The following SLC6A16 variants were observed in gnomAD, a reference collection of about 807,000 sequenced individuals.
The protein encoded by SLC6A16 is solute carrier family 6 member 16, also known as orphan sodium- and chloride-dependent neurotransmitter transporter NTT5.
A neutral mutation model predicts 65.4 loss-of-function variants in SLC6A16; 54 were observed. The observed-to-expected ratio is 0.83, with a 90% confidence interval of 0.66 to 1.04. SLC6A16 has a LOEUF of 1.04. Ranked by LOEUF, SLC6A16 falls within the 50% of genes least tolerant of loss-of-function variation. The pLI is 0.00. For missense variants in SLC6A16, 816 were observed against 914.0 expected (o/e 0.89, Z 1.38); for synonymous variants, 330 against 346.5 (o/e 0.95, Z 0.53).
chr19:49,330,516 G>C, the SLC6A16 span, among the ~76,000 whole-genome samples: 3 of 152,218 alleles, frequency 2.0e-5, no homozygotes, highest in Non-Finnish European at 2.9e-5. Flanking sequence ...AGGAGAACCA[G>C]CCAGTGAAGA....
Position 49,319,168 on chromosome 19 carries a change from G to T in SLC6A16, c.-65+5880C>A, listed in dbSNP as rs143231822. On this transcript the variant is annotated intron_variant, in intron 1 of 11. Transcript: ENST00000335875. The stretch of plus-strand genomic sequence containing the variant: ...AAATGAAGCACAAAGAAAAAAAAAA[G>T]ACTGAAAACAATTACCAGAGCATTA... 1.1e-3 allele frequency among the ~76,000 whole-genome samples: 159 copies of T among 151,270 alleles called. 3 individuals carry two copies. In the East Asian group the frequency reaches 0.024, roughly 23 times the overall value.
chr19:49,290,544 A>T, intron 11 of SLC6A16, 61 bp downstream of exon 11: 1 of 1,587,910 alleles, frequency 6.3e-7, no homozygotes, highest in Non-Finnish European at 8.6e-7. Flanking sequence ...TTTCACCCAG[A>T]GTGAATTGAA....
In SLC6A16 at chr19:49,306,954, T is replaced by A. The variant is rs114194537; in HGVS notation, c.1229+1922A>T. Among the ~76,000 whole-genome samples, 684 of 151,960 alleles carry A rather than the reference T, an allele frequency of 4.5e-3. 3 individuals carry two copies. Among genetic ancestry groups the A allele is most frequent in the African/African-American group, 0.016 (652 of 41,394 alleles). Reference sequence around the variant, plus strand: ...TGGGAGGCAGTAAAGAGATTATGATTAGAAAAAGATACACAGAGAGCATCT... The same window carrying A: ...TGGGAGGCAGTAAAGAGATTATGATAAGAAAAAGATACACAGAGAGCATCT... On this transcript the variant is annotated intron_variant, in intron 7 of 11. Coordinates refer to ENST00000335875, the MANE Select transcript of SLC6A16 (RefSeq NM_014037.3).
intron 1 of SLC6A16, among the ~76,000 whole-genome samples, chr19:49,313,816 C>T (rs141747313): frequency 6.6e-6 from 1 of 151,812 alleles, no homozygotes; most frequent in South Asian, 2.1e-4. Context: ...AATAATCAGC[C>T]GGGCACAGTG....
At chr19:49,335,010 G>A in the SLC6A16 span, among the ~76,000 whole-genome samples, 1 of 152,122 alleles carries the variant, frequency 6.6e-6, no homozygotes, top group Admixed American at 6.5e-5. This position sits in a 1 kb window ranked among gnomAD's most constrained non-coding sequence, Gnocchi z 4.6. Flanking sequence ...GAGATGGGGA[G>A]TAGCAGGAAG....
chr19:49,299,699 A>G (rs1970251269), intron 7 of SLC6A16, among the ~76,000 whole-genome samples: 1 of 151,740 alleles, frequency 6.6e-6, no homozygotes, highest in Non-Finnish European at 1.5e-5. Flanking sequence ...AAAGAAAAGT[A>G]GGGAATTGGC....
chr19:49,339,027 C>T, the SLC6A16 span: 3 of 1,025,334 alleles, frequency 2.9e-6, no homozygotes, highest in South Asian at 1.5e-5. This position sits in a 1 kb window ranked among gnomAD's most constrained non-coding sequence, Gnocchi z 4.5. Flanking sequence ...TGAGAAAGGG[C>T]GGGGTCTACG....
chr19:49,308,954 G>C lies in SLC6A16; in HGVS notation c.1151C>G (p.Thr384Ser), dbSNP rs1460102575. The part of the protein sequence containing the change: ...AFLVSVINLL[T>S]LLVFTSFNFC... ...GTTGAAAGATGTGAAAACCAACAAAGTGAGCAGGTTTATCACAGACACGAG... is the reference window on the plus strand; with the variant it reads ...GTTGAAAGATGTGAAAACCAACAAACTGAGCAGGTTTATCACAGACACGAG... Residue 384 changes from threonine (T) to serine (S), a missense_variant, in exon 7 of 12, where the codon ACT (threonine) becomes AGT (serine). Transcript: ENST00000335875. 9.9e-6 allele frequency: 16 copies of C among 1,614,168 alleles called. No homozygotes were observed. Among genetic ancestry groups the C allele is most frequent in the Non-Finnish European group, 1.4e-5 (16 of 1,180,036 alleles).
At chr19:49,332,868 CAGA>C in the SLC6A16 span, among the ~76,000 whole-genome samples, 1 of 152,216 alleles carries the variant, frequency 6.6e-6, no homozygotes, top group African/African-American at 2.4e-5. Flanking sequence ...TGGTTAGAAA[CAGA>C]AGCTGAGGGG....
chr19:49,296,841 T>C (rs1970195869), intron 7 of SLC6A16, among the ~76,000 whole-genome samples: 1 of 151,870 alleles, frequency 6.6e-6, no homozygotes, highest in African/African-American at 2.4e-5. Flanking sequence ...ATACAAAAAT[T>C]AGCCAAGCGT....
chr19:49,304,172 T>A (rs564437321), intron 7 of SLC6A16, among the ~76,000 whole-genome samples: 1 of 152,320 alleles, frequency 6.6e-6, no homozygotes, highest in South Asian at 2.1e-4. Flanking sequence ...AGAGGAAATG[T>A]GAACGTTATC....
intron 1 of SLC6A16, among the ~76,000 whole-genome samples, chr19:49,317,420 C>T (rs1970630716): frequency 6.6e-6 from 1 of 151,752 alleles, no homozygotes; most frequent in Non-Finnish European, 1.5e-5. Context: ...GAAGGATATA[C>T]AGGATCCAGA....
chr19:49,296,247 A>T (rs1415648476), intron 7 of SLC6A16, among the ~76,000 whole-genome samples: 2 of 152,192 alleles, frequency 1.3e-5, no homozygotes, highest in African/African-American at 4.8e-5. Flanking sequence ...TCAGCCTCCC[A>T]AAGTGCTGGG....
upstream of SLC6A16, among the ~76,000 whole-genome samples, chr19:49,327,133 G>A (rs1481984427): frequency 6.6e-6 from 1 of 151,770 alleles, no homozygotes; most frequent in Non-Finnish European, 1.5e-5. Context: ...AAGTGCAGTG[G>A]CATAATCTCG....
At chr19:49,335,488 C>G in the SLC6A16 span, 1 of 1,265,932 alleles carries the variant, frequency 7.9e-7, no homozygotes, top group Non-Finnish European at 1.2e-6. The surrounding 1 kb of genome is among the most constrained non-coding windows in gnomAD (Gnocchi z 4.6). Flanking sequence ...GTCTCCCCCA[C>G]TGTCAGCACC....
chr19:49,337,071 C>T, the SLC6A16 span: 1 of 1,613,918 alleles, frequency 6.2e-7, no homozygotes, highest in South Asian at 1.1e-5. Flanking sequence ...AGGAACACTC[C>T]TATCCCCACC....
In SLC6A16 at chr19:49,311,289, G is replaced by C; in HGVS notation, c.59C>G (p.Thr20Arg). Residue 20 changes from threonine (T) to arginine (R), a missense_variant, in exon 2 of 12, where the codon ACA (threonine) becomes AGA (arginine). Thr to Arg is a moderately conservative substitution (Grantham distance 71). Transcript: ENST00000335875. The stretch of plus-strand genomic sequence containing the variant: ...TCCTGGGACACTGTCAGAAATCACT[G>C]TGCCAGTCCATGAGGTGTTTGCCAG... Reference protein sequence around the residue: ...SLLANTSWTGTVISDSVPGSQ... With the variant: ...SLLANTSWTGRVISDSVPGSQ... 1 of 1,611,710 alleles carries C rather than the reference G, an allele frequency of 6.2e-7. No individual in the cohort carries two copies. Among genetic ancestry groups the C allele is most frequent in the Non-Finnish European group, 8.5e-7 (1 of 1,178,934 alleles).
At chr19:49,338,884 GAC>G in the SLC6A16 span, 2 of 1,614,146 alleles carry the variant, frequency 1.2e-6, no homozygotes, top group Non-Finnish European at 1.7e-6. The surrounding 1 kb of genome is among the most constrained non-coding windows in gnomAD (Gnocchi z 5.0). Flanking sequence ...GCGCGGTCCA[GAC>G]ACAGTGCAGA....
Position 49,293,241 on chromosome 19 carries a change from C to T in SLC6A16, c.1760G>A (p.Trp587Ter), listed in dbSNP as rs756723617. 4.3e-5 allele frequency: 69 copies of T among 1,613,984 alleles called. No homozygotes were observed. The highest frequency in any genetic ancestry group is 5.4e-5 in the Non-Finnish European group (64 of 1,180,024). ...ACATCACCTCCTGGCCCCATAGGCC[C>T]AGGATACAGCCATGGTTTCAAATAC... ...VVVFETMAVS[W>*]AYGARRFLAD... Residue 587 changes from tryptophan to a stop codon, truncating the protein, a stop_gained, in exon 10 of 12, where the codon TGG becomes TAG. Coordinates refer to ENST00000335875, the MANE Select transcript of SLC6A16 (RefSeq NM_014037.3). LOFTEE classifies it high-confidence loss of function.
Sources: allele counts gnomAD v4.1 joint callset (sites outside exome capture counted in the v4.1 genomes callset), GRCh38; gene constraint gnomAD v4.1.1; non-coding constraint Gnocchi (gnomAD v3.1); transcripts MANE v1.5; gene names NCBI Gene and HGNC (gene_info 2026-07-23, HGNC 2026-07-21).